The following CHRNA7 variants were observed in gnomAD, a reference collection of about 807,000 sequenced individuals.
The protein encoded by CHRNA7 is cholinergic receptor nicotinic alpha 7 subunit.
Under a neutral mutation model 48.0 loss-of-function variants are expected in CHRNA7, and 17 were observed. The observed-to-expected ratio is 0.35, with a 90% CI of 0.24 to 0.53. The LOEUF (loss-of-function observed/expected upper bound fraction) is 0.53. Ranked by LOEUF, CHRNA7 falls within the 20% of genes least tolerant of loss-of-function variation. CHRNA7 has a pLI of 0.92. For synonymous variants in CHRNA7, 75 were observed against 242.3 expected (o/e 0.31, Z 6.41); for missense variants, 155 against 577.7 (o/e 0.27, Z 7.50).
At chr15:32,111,652 A>G (rs1416314506) in intron 3 of CHRNA7, 138 bp from the exon 4 acceptor site, 4 of 580,988 alleles carry the variant, frequency 6.9e-6, no homozygotes, top group African/African-American at 3.8e-5. Flanking sequence ...TCCCATTTTC[A>G]TTATATTTTA....
At chr15:32,053,094 G>C (rs1379304136) in intron 2 of CHRNA7, among the ~76,000 whole-genome samples, 1 of 152,102 alleles carries the variant, frequency 6.6e-6, no homozygotes, top group Admixed American at 6.5e-5. Context: ...ACCTGAAGAG[G>C]TTTAGGAGAC....
intron 2 of CHRNA7, among the ~76,000 whole-genome samples, chr15:32,047,580 A>G (rs905599075): frequency 9.9e-5 from 15 of 152,134 alleles, no homozygotes; most frequent in East Asian, 7.7e-4. Context: ...GGCTGAGACA[A>G]TGGGGTTTTC....
intron 2 of CHRNA7, among the ~76,000 whole-genome samples, chr15:32,086,096 A>C (rs1184972774): frequency 1.3e-5 from 2 of 152,092 alleles, no homozygotes; most frequent in Non-Finnish European, 2.9e-5. Context: ...TTGGCCAGGC[A>C]CGGTGGCTCA....
chr15:32,054,385 C>T (rs1034934836), intron 2 of CHRNA7, among the ~76,000 whole-genome samples: 4 of 132,290 alleles, frequency 3.0e-5, no homozygotes, highest in African/African-American at 1.3e-4. Flanking sequence ...ACCTTTAACA[C>T]ACTGTGTTAA....
At chr15:32,080,754 A>G (rs1463959915) in intron 2 of CHRNA7, among the ~76,000 whole-genome samples, 1 of 152,206 alleles carries the variant, frequency 6.6e-6, no homozygotes, top group African/African-American at 2.4e-5. Flanking sequence ...AAAGACCTAG[A>G]ACCAGAAATA....
intron 2 of CHRNA7, among the ~76,000 whole-genome samples, chr15:32,041,500 G>T (rs1049100147): frequency 2.0e-5 from 3 of 152,236 alleles, no homozygotes; most frequent in Non-Finnish European, 2.9e-5. Context: ...AGCTCAGGCA[G>T]TAATGCTCCC....
chr15:32,098,494 G>A (rs2050511612), intron 2 of CHRNA7, among the ~76,000 whole-genome samples: 1 of 152,178 alleles, frequency 6.6e-6, no homozygotes, highest in Non-Finnish European at 1.5e-5. Context: ...TTGCAAATGA[G>A]GAGACTGAGT....
At chr15:32,115,094 C>T (rs2050846306) in intron 4 of CHRNA7, among the ~76,000 whole-genome samples, 2 of 152,162 alleles carry the variant, frequency 1.3e-5, no homozygotes, top group Non-Finnish European at 1.5e-5. Context: ...CGTGAGGGTC[C>T]CGCAACAGCC....
rs776256188 is a variant in CHRNA7 at position 32,111,842 on chromosome 15, A to C, written c.293A>C (p.Lys98Thr). 6.2e-7 allele frequency: 1 copy of C among 1,613,894 alleles called. No individual in the cohort carries two copies. Among genetic ancestry groups the C allele is most frequent in the African/African-American group, 1.3e-5 (1 of 74,928 alleles). The change falls in exon 4 of 10, where the codon AAG (lysine) becomes ACG (threonine). Residue 98 changes from lysine (K) to threonine (T), a missense_variant. Lys to Thr is a moderately conservative substitution (Grantham distance 78). Transcript: ENST00000306901. ...AATGTGTCAGAATATCCAGGGGTGA[A>C]GACTGTTCGTTTCCCAGATGGCCAG... ...QWNVSEYPGVKTVRFPDGQIW... is the reference protein window; with the variant it reads ...QWNVSEYPGVTTVRFPDGQIW...
chr15:32,109,536 T>C (rs2050727892), intron 3 of CHRNA7, among the ~76,000 whole-genome samples: 1 of 152,172 alleles, frequency 6.6e-6, no homozygotes, highest in East Asian at 1.9e-4. Context: ...TCTGACACAA[T>C]GGTCAGCCTG....
chr15:32,125,873 A>G (rs1272940409), intron 4 of CHRNA7, among the ~76,000 whole-genome samples: 1 of 152,150 alleles, frequency 6.6e-6, no homozygotes, highest in African/African-American at 2.4e-5. Context: ...TTAGATGGAA[A>G]CTAGGAGGTA....
intron 2 of CHRNA7, among the ~76,000 whole-genome samples, chr15:32,097,592 A>AT (rs1004664705): frequency 6.6e-6 from 1 of 152,138 alleles, no homozygotes; most frequent in South Asian, 2.1e-4. Context: ...ACAAACTTCT[A>AT]TTTTTTATAA....
Position 32,124,884 on chromosome 15 carries a change from CAAGG to C in CHRNA7, c.350+12987_350+12990del, listed in dbSNP as rs1425850508. Among the ~76,000 whole-genome samples the C allele has an allele frequency of 2.6e-5, 4 of 152,234 alleles. No homozygotes were observed. The East Asian group carries it at 7.7e-4, about 29-fold the overall frequency. ...CTGCTTATTTGGCCATCTGAGGACA[CAAGG>C]AGGAGATGTGTATCTGCAAACCAGG... On this transcript the variant is annotated intron_variant, in intron 4 of 9. Coordinates refer to ENST00000306901, the MANE Select transcript of CHRNA7 (RefSeq NM_000746.6).
rs1316084306 is a variant in CHRNA7 at position 32,169,116 on chromosome 15, A to G, written c.*658A>G. On this transcript the variant is annotated 3_prime_UTR_variant, in exon 10 of 10. Transcript: ENST00000306901. ...CTGACTTCTGCAAACCTACCCTGTC[A>G]AGGAGATCAAAGGGACGCAGGTTTC... 1.5e-5 allele frequency: 2 copies of G among 132,876 alleles called. No individual in the cohort carries two copies. The highest frequency in any genetic ancestry group is 3.3e-5 in the Non-Finnish European group (2 of 60,856). The allele number at this position is 132,876 out of a possible 1,614,324, so 8.2% of individuals were successfully genotyped here.
intron 4 of CHRNA7, among the ~76,000 whole-genome samples, chr15:32,128,487 T>C (rs1457408728): frequency 6.6e-6 from 1 of 151,940 alleles, no homozygotes; most frequent in Non-Finnish European, 1.5e-5. Context: ...ATGTGAGATT[T>C]ATGCTTGTTT....
chr15:32,126,091 C>T (rs1442904092), intron 4 of CHRNA7, among the ~76,000 whole-genome samples: 1 of 152,012 alleles, frequency 6.6e-6, no homozygotes, highest in Non-Finnish European at 1.5e-5. Flanking sequence ...CTCATTTTCC[C>T]AGGGATGCAT....
intron 2 of CHRNA7, among the ~76,000 whole-genome samples, chr15:32,069,493 A>T (rs1201921958): frequency 6.6e-6 from 1 of 151,908 alleles, no homozygotes; most frequent in Non-Finnish European, 1.5e-5. Flanking sequence ...AAAAAAATTT[A>T]AAAATTAGCT....
intron 2 of CHRNA7, among the ~76,000 whole-genome samples, chr15:32,085,969 T>C (rs1025709943): frequency 2.0e-5 from 3 of 152,220 alleles, no homozygotes; most frequent in African/African-American, 7.2e-5. Flanking sequence ...AGATATTCTT[T>C]TTCATATTCT....
At chr15:32,152,216 G>GA (rs917083754) in intron 4 of CHRNA7, among the ~76,000 whole-genome samples, 10 of 152,050 alleles carry the variant, frequency 6.6e-5, no homozygotes, top group African/African-American at 2.4e-4. Flanking sequence ...GGCTAAGTGG[G>GA]GGTGGATCAC....
Sources: gnomAD v4.1 joint callset for allele counts (sites outside exome capture counted in the v4.1 genomes callset) on GRCh38, gnomAD v4.1.1 for gene constraint, MANE v1.5 for transcripts, NCBI Gene and HGNC (gene_info 2026-07-23, HGNC 2026-07-21) for gene names.